Variants in SPTBN1 observed in about 807,000 individuals in gnomAD.
The protein encoded by SPTBN1 is spectrin beta chain, non-erythrocytic 1.
SPTBN1 carries 32 observed loss-of-function variants against 266.4 expected under a neutral mutation model. The ratio of observed to expected loss-of-function variants is 0.12; its 90% confidence interval spans 0.09 to 0.16. SPTBN1 has a LOEUF of 0.16. Among genes scored for constraint, SPTBN1 ranks in the 10% least tolerant of loss-of-function variants. SPTBN1 has a pLI of 1.00. For synonymous variants in SPTBN1, 1,336 were observed against 1,162.2 expected, an observed-to-expected ratio of 1.15 and a Z score of -3.04; for missense variants, 2,296 against 3,067.1, an observed-to-expected ratio of 0.75 and a Z score of 5.94.
rs1669716583 is a variant in SPTBN1 at position 54,508,947 on chromosome 2, G to GT, written c.-47-17424dup. ...TTCTTTCTGCCTATATAACAGCATG[G>GT]TGGTGCAGGATATGGAAGGCATATT... On this transcript the variant is annotated intron_variant, in intron 1 of 35. Coordinates refer to ENST00000356805, the MANE Select transcript of SPTBN1 (RefSeq NM_003128.3). 2.0e-5 allele frequency among the ~76,000 whole-genome samples: 3 copies of GT among 152,306 alleles called. No homozygotes were observed. In the South Asian group the frequency reaches 6.2e-4, roughly 32 times the overall value.
chr2:54,666,847 C>T (rs1681403973), intron 34 of SPTBN1, among the ~76,000 whole-genome samples: 1 of 152,174 alleles, frequency 6.6e-6, no homozygotes, highest in Non-Finnish European at 1.5e-5. Flanking sequence ...GAGAGAGTGT[C>T]AGATGGTTTG....
intron 1 of SPTBN1, among the ~76,000 whole-genome samples, chr2:54,498,830 A>G (rs116714214): frequency 2.5e-3 from 375 of 152,292 alleles, no homozygotes; most frequent in Non-Finnish European, 4.6e-3. Flanking sequence ...GGTGCTGGAG[A>G]TACATGTGTT....
chr2:54,584,753 G>C (rs901772580), intron 2 of SPTBN1, among the ~76,000 whole-genome samples: 8 of 152,152 alleles, frequency 5.3e-5, no homozygotes, highest in Non-Finnish European at 8.8e-5. Context: ...ATCAGCAAGA[G>C]CAAGAAGCTT....
chr2:54,615,029 T>G (rs1677503436), intron 4 of SPTBN1, among the ~76,000 whole-genome samples: 1 of 152,180 alleles, frequency 6.6e-6, no homozygotes, highest in African/African-American at 2.4e-5. Context: ...GAGTGAGGGT[T>G]GTTCTTCCAC....
At chr2:54,527,762 C>T (rs1450553273) in intron 2 of SPTBN1, 1 of 152,194 alleles carries the variant, frequency 6.6e-6, no homozygotes, top group Non-Finnish European at 1.5e-5. Context: ...CTTACCATGG[C>T]CCGGATATAT....
intron 2 of SPTBN1, among the ~76,000 whole-genome samples, chr2:54,592,922 C>A (rs948519821): frequency 6.6e-6 from 1 of 152,184 alleles, no homozygotes; most frequent in African/African-American, 2.4e-5. Flanking sequence ...AGAGATAACT[C>A]TAGCATCCCA....
intron 2 of SPTBN1, among the ~76,000 whole-genome samples, chr2:54,546,897 C>T (rs1223891433): frequency 2.6e-5 from 4 of 151,504 alleles, no homozygotes; most frequent in Non-Finnish European, 5.9e-5. Context: ...TCTTCCCCTG[C>T]CCAGTGGTGC....
intron 34 of SPTBN1, among the ~76,000 whole-genome samples, 160 bp downstream of exon 34, chr2:54,666,248 A>C (rs1187678970): frequency 6.6e-6 from 1 of 152,198 alleles, no homozygotes; most frequent in East Asian, 1.9e-4. Context: ...TGTCTCGGTT[A>C]GGCTGAATTC....
intron 2 of SPTBN1, among the ~76,000 whole-genome samples, chr2:54,553,289 T>C (rs979748319): frequency 1.3e-5 from 2 of 152,058 alleles, no homozygotes; most frequent in African/African-American, 4.8e-5. Flanking sequence ...AAAAGAATGA[T>C]CTCAGTTAAG....
intron 1 of SPTBN1, among the ~76,000 whole-genome samples, chr2:54,485,810 C>T (rs902169032): frequency 8.6e-5 from 13 of 150,728 alleles, no homozygotes; most frequent in South Asian, 4.2e-4. Context: ...GGCCGCCCGT[C>T]GTCTGAGATG....
intron 2 of SPTBN1, among the ~76,000 whole-genome samples, chr2:54,582,889 C>G (rs1675039460): frequency 6.6e-6 from 1 of 152,124 alleles, no homozygotes; most frequent in Non-Finnish European, 1.5e-5. Flanking sequence ...TGAATTTGCT[C>G]TTATACAAAA....
chr2:54,596,475 G>A (rs370870137), intron 2 of SPTBN1, among the ~76,000 whole-genome samples: 2 of 152,080 alleles, frequency 1.3e-5, no homozygotes, highest in East Asian at 1.9e-4. Context: ...CCTGCCCCTC[G>A]TGTGTTATGA....
chr2:54,649,708 A>C lies in SPTBN1; in HGVS notation c.5296A>C (p.Ile1766Leu), dbSNP rs1680147324. ...GGTCAATCACCTGGCAGATGAGCTC[A>C]TCAACTCTGGACATTCAGATGCCGC... ...DTVNHLADEL[I>L]NSGHSDAATI... The change falls in exon 26 of 36, where the codon ATC becomes CTC. Residue 1766 changes from isoleucine to leucine, a missense_variant. Ile to Leu is a conservative substitution (Grantham distance 5). Around this residue, in one of 12 missense-constraint regions of SPTBN1, gnomAD observed 644 missense variants for 745.3 expected, o/e 0.86. Transcript: ENST00000356805. This position sits in a 1 kb window ranked among gnomAD's most constrained non-coding sequence, Gnocchi z 6.7. 6.2e-7 allele frequency: 1 copy of C among 1,614,188 alleles called. No homozygotes were observed.
At chr2:54,487,924 G>C (rs1305853343) in intron 1 of SPTBN1, among the ~76,000 whole-genome samples, 2 of 137,130 alleles carry the variant, frequency 1.5e-5, no homozygotes, top group Admixed American at 1.7e-4. Flanking sequence ...CCGCCTCCCA[G>C]GTTCACGCCA....
intron 2 of SPTBN1, among the ~76,000 whole-genome samples, chr2:54,560,213 T>G (rs79764670): frequency 2.6e-5 from 4 of 151,004 alleles, no homozygotes; most frequent in Non-Finnish European, 5.9e-5. Flanking sequence ...TTATCTAGGT[T>G]TGTTAGGGGC....
chr2:54,523,983 A>G (rs1395615682), intron 1 of SPTBN1, among the ~76,000 whole-genome samples: 1 of 152,104 alleles, frequency 6.6e-6, no homozygotes, highest in Non-Finnish European at 1.5e-5. Flanking sequence ...GCAGATCACA[A>G]GGTCTAGGAG....
intron 3 of SPTBN1, among the ~76,000 whole-genome samples, chr2:54,609,595 G>A (rs1312374545): frequency 6.6e-6 from 1 of 151,992 alleles, no homozygotes; most frequent in Non-Finnish European, 1.5e-5. Flanking sequence ...GTAGTAATGA[G>A]CGTTACAAGT....
chr2:54,544,142 G>T (rs1672102740), intron 2 of SPTBN1, among the ~76,000 whole-genome samples: 1 of 152,142 alleles, frequency 6.6e-6, no homozygotes, highest in East Asian at 1.9e-4. Flanking sequence ...CCGTGTTACA[G>T]ATTTCAGTCT....
chr2:54,463,182 A>G lies in SPTBN1; in HGVS notation c.-48+6664A>G, dbSNP rs536408243. Reference sequence around the variant, plus strand: ...AAAATGGTTGTGAAGGCCCAATCCTATGCGAAGCTATTTGTAGGGTAAATG... The same window carrying G: ...AAAATGGTTGTGAAGGCCCAATCCTGTGCGAAGCTATTTGTAGGGTAAATG... On this transcript the variant is annotated intron_variant, in intron 1 of 35. Transcript: ENST00000356805. Among the ~76,000 whole-genome samples the G allele has an allele frequency of 1.3e-4, 19 of 141,792 alleles. No homozygotes were observed. In the East Asian group the frequency reaches 4.3e-3, roughly 32 times the overall value. 93.0% of individuals were successfully genotyped at this position (141,792 alleles called of 152,430 possible).
Sources: allele counts gnomAD v4.1 joint callset (sites outside exome capture counted in the v4.1 genomes callset), GRCh38; gene constraint gnomAD v4.1.1; regional missense constraint gnomAD v4.1.1; non-coding constraint Gnocchi (gnomAD v3.1); transcripts MANE v1.5; gene names NCBI Gene and HGNC (gene_info 2026-07-23, HGNC 2026-07-21).